PCDHA12: variants seen among roughly 807,000 people sequenced by gnomAD.
PCDHA12 encodes the protein protocadherin alpha-12.
PCDHA12 carries 44 observed loss-of-function variants against 60.0 expected under a neutral mutation model. The ratio of observed to expected loss-of-function variants is 0.73; its 90% confidence interval spans 0.58 to 0.94. The LOEUF is 0.94. PCDHA12 is among the 40% of genes least tolerant of loss of function. The pLI, the probability that PCDHA12 is intolerant of heterozygous loss-of-function variation, is 0.00. For synonymous variants in PCDHA12, 569 were observed against 553.0 expected, an observed-to-expected ratio of 1.03 and a Z score of -0.40; for missense variants, 1,276 against 1,239.7, an observed-to-expected ratio of 1.03 and a Z score of -0.44.
At chr5:140,896,090 C>T (rs1312909051) in intron 1 of PCDHA12, among the ~76,000 whole-genome samples, 2 of 152,152 alleles carry the variant, frequency 1.3e-5, no homozygotes, top group African/African-American at 4.8e-5. Flanking sequence ...GGATTACAGG[C>T]GTGAGCCACT....
At chr5:140,918,302 G>A (rs1382712359) in intron 1 of PCDHA12, among the ~76,000 whole-genome samples, 1 of 152,048 alleles carries the variant, frequency 6.6e-6, no homozygotes, top group African/African-American at 2.4e-5. Context: ...GAGAATATAG[G>A]GTTTTCTAGG....
At chr5:141,002,532 C>T (rs571310813) in intron 3 of PCDHA12, among the ~76,000 whole-genome samples, 26 of 152,270 alleles carry the variant, frequency 1.7e-4, no homozygotes, top group African/African-American at 6.0e-4. Flanking sequence ...AGTCAGACTC[C>T]CTAGATTTGA....
At chr5:140,988,467 A>T (rs1245281936) in intron 3 of PCDHA12, among the ~76,000 whole-genome samples, 12 of 152,242 alleles carry the variant, frequency 7.9e-5, no homozygotes, top group African/African-American at 2.4e-4. Flanking sequence ...AGGGTGTGGG[A>T]AGGGGAATTA....
chr5:140,991,503 T>C (rs975448423), intron 3 of PCDHA12, among the ~76,000 whole-genome samples: 6 of 152,246 alleles, frequency 3.9e-5, no homozygotes, highest in Non-Finnish European at 7.3e-5. Context: ...TGAGTTTCAC[T>C]GGCTAAAATC....
intron 1 of PCDHA12, among the ~76,000 whole-genome samples, chr5:140,906,070 C>T (rs1257687877): frequency 1.3e-5 from 2 of 152,162 alleles, no homozygotes; most frequent in South Asian, 2.1e-4. Flanking sequence ...CTGATTAGAT[C>T]GCACCCACCC....
chr5:140,925,395 GCCT>G (rs2082476248), intron 1 of PCDHA12, among the ~76,000 whole-genome samples: 1 of 151,998 alleles, frequency 6.6e-6, no homozygotes, highest in Non-Finnish European at 1.5e-5. Flanking sequence ...CTTTTGGCTC[GCCT>G]CCTTCTTAGG....
In PCDHA12 at chr5:140,876,395, T is replaced by C. The variant is rs1562712555; in HGVS notation, c.923T>C (p.Leu308Pro). 1.2e-6 allele frequency: 2 copies of C among 1,613,920 alleles called. No individual in the cohort carries two copies. Among genetic ancestry groups the C allele is most frequent in the Non-Finnish European group, 8.5e-7 (1 of 1,179,894 alleles). ...DTGEIRIYGE[L>P]DFEENNAYEI... ...GGTGAAATTAGAATTTATGGTGAAC[T>C]GGATTTTGAAGAGAATAATGCCTAT... is the stretch of plus-strand genomic sequence containing the variant. The change falls in exon 1 of 4, where the codon CTG becomes CCG. Residue 308 changes from leucine (L) to proline (P), a missense_variant. Transcript: ENST00000398631.
intron 1 of PCDHA12, among the ~76,000 whole-genome samples, chr5:140,965,923 G>T (rs1418904178): frequency 1.3e-5 from 2 of 152,232 alleles, no homozygotes; most frequent in African/African-American, 4.8e-5. Context: ...TTTTAGGCTT[G>T]CTCCCGGAAA....
At chr5:140,919,217 G>T (rs1427737864) in intron 1 of PCDHA12, among the ~76,000 whole-genome samples, 1 of 152,090 alleles carries the variant, frequency 6.6e-6, no homozygotes, top group Non-Finnish European at 1.5e-5. Context: ...TGTCCTTCTT[G>T]ATTTCTAGTA....
At chr5:140,957,029 T>G (rs782472701) in intron 1 of PCDHA12, among the ~76,000 whole-genome samples, 4 of 152,190 alleles carry the variant, frequency 2.6e-5, no homozygotes, top group African/African-American at 4.8e-5. Flanking sequence ...TTTAGATATT[T>G]ATGGGAGTCA....
intron 3 of PCDHA12, among the ~76,000 whole-genome samples, chr5:140,988,469 G>A (rs2097299168): frequency 6.6e-6 from 1 of 152,150 alleles, no homozygotes; most frequent in Admixed American, 6.5e-5. Flanking sequence ...GGTGTGGGAA[G>A]GGGAATTAGC....
rs2098416660 is a variant in PCDHA12, at chr5:141,010,249, T to C, written c.*312T>C. ...GCCCCGCCAGTGAGAGGTTGGACTC[T>C]CTGCCCTGTGCTCCGGGGATCCTGT... On this transcript the variant is annotated 3_prime_UTR_variant, in exon 4 of 4. Coordinates refer to ENST00000398631, the MANE Select transcript of PCDHA12 (RefSeq NM_018903.4). 2 of 1,551,772 alleles carry C rather than the reference T, an allele frequency of 1.3e-6. No homozygotes were observed. Among genetic ancestry groups the C allele is most frequent in the Non-Finnish European group, 1.7e-6 (2 of 1,147,036 alleles).
chr5:140,968,567 G>A (rs1586307422), intron 1 of PCDHA12: 1 of 1,614,156 alleles, frequency 6.2e-7, no homozygotes, highest in East Asian at 2.2e-5. Flanking sequence ...TGCCCCTGCT[G>A]GCTACCTGGT....
At chr5:140,920,825 G>A (rs557360536) in intron 1 of PCDHA12, among the ~76,000 whole-genome samples, 12 of 150,152 alleles carry the variant, frequency 8.0e-5, no homozygotes, top group African/African-American at 2.4e-4. Context: ...GCCTGGCGAC[G>A]GAGCAAGACC....
chr5:140,930,423 A>G (rs1366004853), intron 1 of PCDHA12: 3 of 151,862 alleles, frequency 2.0e-5, no homozygotes, highest in African/African-American at 7.3e-5. Flanking sequence ...GGGTCTCACT[A>G]TGTTGCCCAG....
chr5:140,889,089 A>G (rs1186785152), intron 1 of PCDHA12, among the ~76,000 whole-genome samples: 2 of 151,884 alleles, frequency 1.3e-5, no homozygotes, highest in Non-Finnish European at 2.9e-5. Flanking sequence ...AATTTTCAAA[A>G]CAATTTTTTC....
intron 1 of PCDHA12, among the ~76,000 whole-genome samples, chr5:140,978,417 A>G (rs2096800848): frequency 6.6e-6 from 1 of 152,158 alleles, no homozygotes. Context: ...CAGAAAAGAG[A>G]CTGTTATCAG....
intron 1 of PCDHA12, chr5:140,927,761 G>C (rs1554205028): frequency 6.2e-7 from 1 of 1,614,102 alleles, no homozygotes. Flanking sequence ...CACCCTAAAA[G>C]TGGGGAGGTG....
intron 1 of PCDHA12, among the ~76,000 whole-genome samples, chr5:140,920,226 T>C (rs190564528): frequency 6.6e-6 from 1 of 152,042 alleles, no homozygotes; most frequent in East Asian, 1.9e-4. Context: ...ACATTTATAG[T>C]ATTATATACC....
Sources: allele counts gnomAD v4.1 joint callset (sites outside exome capture counted in the v4.1 genomes callset), GRCh38; gene constraint gnomAD v4.1.1; transcripts MANE v1.5; gene names NCBI Gene and HGNC (gene_info 2026-07-23, HGNC 2026-07-21).